Variants in CCNY observed in about 807,000 individuals in gnomAD.
The protein encoded by CCNY is cyclin Y.
Under a neutral mutation model 42.8 loss-of-function variants are expected in CCNY, and 19 were observed. The ratio of observed to expected loss-of-function variants is 0.44; its 90% CI spans 0.31 to 0.65. The LOEUF (loss-of-function observed/expected upper bound fraction) is 0.65. Among genes scored for constraint, CCNY ranks in the 30% least tolerant of loss-of-function variants. CCNY has a pLI of 0.07. For synonymous variants in CCNY, 165 were observed against 162.7 expected, an observed-to-expected ratio of 1.01 and a Z score of -0.11; for missense variants, 370 against 437.3, an observed-to-expected ratio of 0.85 and a Z score of 1.37.
intron 8 of CCNY, among the ~76,000 whole-genome samples, chr10:35,562,258 TCCTCTGTAGATA>T: frequency 6.6e-6 from 1 of 152,226 alleles, no homozygotes; most frequent in Admixed American, 6.5e-5. Context: ...GAACTTCAGT[TCCTCTGTAGATA>T]CCTGGTTTCT....
intron 3 of CCNY, among the ~76,000 whole-genome samples, chr10:35,324,903 C>T (rs951099234): frequency 1.3e-5 from 2 of 152,122 alleles, no homozygotes; most frequent in South Asian, 4.1e-4. Flanking sequence ...GTTATTTGTG[C>T]ACACTTATAT....
At chr10:35,475,487 C>G (rs1269054194) in intron 1 of CCNY, among the ~76,000 whole-genome samples, 2 of 151,996 alleles carry the variant, frequency 1.3e-5, no homozygotes, top group Non-Finnish European at 1.5e-5. Flanking sequence ...CAATATTCAG[C>G]ATTCTTAAAG....
chr10:35,389,673 G>C (rs1290170853), intron 1 of CCNY, among the ~76,000 whole-genome samples: 3 of 152,098 alleles, frequency 2.0e-5, no homozygotes, highest in Non-Finnish European at 4.4e-5. Flanking sequence ...CCCTGACCTT[G>C]TGATCCGCCC....
intron 2 of CCNY, among the ~76,000 whole-genome samples, chr10:35,493,568 G>A (rs1839945966): frequency 6.6e-6 from 1 of 152,206 alleles, no homozygotes; most frequent in Non-Finnish European, 1.5e-5. Context: ...AGGATAATCT[G>A]ATGCAGTCAC....
At chr10:35,324,640 T>C (rs2135098781) in intron 3 of CCNY, among the ~76,000 whole-genome samples, 1 of 152,320 alleles carries the variant, frequency 6.6e-6, no homozygotes, top group African/African-American at 2.4e-5. Context: ...AGCATCACTT[T>C]AGGCTTTAGT....
At chr10:35,286,227 T>A (rs1487626411) in intron 3 of CCNY, among the ~76,000 whole-genome samples, 1 of 152,214 alleles carries the variant, frequency 6.6e-6, no homozygotes, top group East Asian at 1.9e-4. Context: ...TATTCCAATT[T>A]AATTTATGAT....
intron 3 of CCNY, among the ~76,000 whole-genome samples, chr10:35,258,795 G>C (rs2095717325): frequency 6.6e-6 from 1 of 152,098 alleles, no homozygotes; most frequent in Admixed American, 6.6e-5. Flanking sequence ...AATAAGCTGA[G>C]TGTGGTGGCA....
chr10:35,506,362 C>G (rs1319219277), intron 3 of CCNY, among the ~76,000 whole-genome samples: 1 of 152,156 alleles, frequency 6.6e-6, no homozygotes, highest in African/African-American at 2.4e-5. Context: ...GGGATGTTGA[C>G]ATGGGGTAGG....
intron 1 of CCNY, among the ~76,000 whole-genome samples, chr10:35,467,569 A>G (rs1839296267): frequency 6.6e-6 from 1 of 152,204 alleles, no homozygotes; most frequent in South Asian, 2.1e-4. Context: ...AAACCATCTT[A>G]TATTTTCTGT....
Position 35,254,087 on chromosome 10 carries a change from C to T in CCNY, c.-9+3461C>T, listed in dbSNP as rs991527888. ...AGAGATGGGGTTTCACCGTATTAACCAGGATGGTCTCGATCTCCTAACCTT... is the reference window on the plus strand; with the variant it reads ...AGAGATGGGGTTTCACCGTATTAACTAGGATGGTCTCGATCTCCTAACCTT... On this transcript the variant is annotated intron_variant, in intron 3 of 11. Transcript: ENST00000374706. 8.5e-5 allele frequency among the ~76,000 whole-genome samples: 13 copies of T among 152,114 alleles called. No individual in the cohort carries two copies. In the South Asian group the frequency reaches 2.5e-3, roughly 29 times the overall value.
intron 7 of CCNY, among the ~76,000 whole-genome samples, chr10:35,531,575 G>A (rs1222723598): frequency 1.3e-5 from 2 of 152,288 alleles, no homozygotes; most frequent in Admixed American, 6.5e-5. Context: ...ACCAAAACAC[G>A]CAACAGGGCA....
intron 1 of CCNY, among the ~76,000 whole-genome samples, chr10:35,373,446 T>C (rs553288770): frequency 6.6e-5 from 10 of 152,174 alleles, no homozygotes; most frequent in African/African-American, 9.7e-5. Context: ...ACCCCACTTA[T>C]GTTGAGGGCA....
At chr10:35,363,195 T>C (rs1210557883) in intron 1 of CCNY, among the ~76,000 whole-genome samples, 3 of 124,020 alleles carry the variant, frequency 2.4e-5, no homozygotes, top group Non-Finnish European at 1.7e-5. Flanking sequence ...GGGCGGCAGC[T>C]GGGCAGAGGC....
At chr10:35,393,113 G>A (rs944377615) in intron 1 of CCNY, among the ~76,000 whole-genome samples, 1 of 152,096 alleles carries the variant, frequency 6.6e-6, no homozygotes, top group Non-Finnish European at 1.5e-5. Flanking sequence ...GTTGAGCTCC[G>A]TCTCCTTCCC....
At chr10:35,252,565 CAAAAAAAA>C (rs755376669) in intron 3 of CCNY, among the ~76,000 whole-genome samples, 6 of 21,540 alleles carry the variant, frequency 2.8e-4, no homozygotes, top group Non-Finnish European at 4.0e-4. Flanking sequence ...GACTCCGTCT[CAAAAAAAA>C]AAAAAAAAAA....
chr10:35,505,365 G>A (rs369163083), intron 3 of CCNY, among the ~76,000 whole-genome samples: 1 of 151,270 alleles, frequency 6.6e-6, no homozygotes, highest in Non-Finnish European at 1.5e-5. Context: ...ACTTTGAAAC[G>A]AGAAAGCCAG....
chr10:35,548,202 ATTC>A (rs1252095886), intron 7 of CCNY, among the ~76,000 whole-genome samples: 1 of 151,308 alleles, frequency 6.6e-6, no homozygotes. Context: ...GCTATACTGT[ATTC>A]TTACAATGAA....
rs773391702 is a variant in CCNY, at chr10:35,569,183, G to A, written c.*13G>A. On this transcript the variant is annotated 3_prime_UTR_variant, in exon 10 of 10. Coordinates refer to ENST00000374704, the MANE Select transcript of CCNY (RefSeq NM_145012.6). ...CATCATCTCTTAACTACGGAGGCCCGCCGGAGGCCACACCATCCCTTAGTT... is the reference window on the plus strand; with the variant it reads ...CATCATCTCTTAACTACGGAGGCCCACCGGAGGCCACACCATCCCTTAGTT... 11 of 1,440,910 alleles carry A rather than the reference G, an allele frequency of 7.6e-6. No individual in the cohort carries two copies. Among genetic ancestry groups the A allele is most frequent in the Admixed American group, 1.7e-5 (1 of 59,820 alleles). The allele number at this position is 1,440,910 out of a possible 1,614,324, so 89.3% of individuals were successfully genotyped here. A position where few individuals can be genotyped will look rare whatever the true frequency, so the allele number is the denominator to read the frequency against.
At position 35,529,966 on chromosome 10, in the gene CCNY, C is replaced by A. The variant is rs369157747; in HGVS notation, c.402-7C>A. 3.8e-5 allele frequency: 61 copies of A among 1,611,430 alleles called. No individual in the cohort carries two copies. Among genetic ancestry groups the A allele is most frequent in the Non-Finnish European group, 5.1e-5 (60 of 1,177,912 alleles). On this transcript the variant is annotated splice_region_variant and splice_polypyrimidine_tract_variant and intron_variant, in intron 5 of 9. Transcript: ENST00000374704. ...TAAGTTTCATTTTCTATTATTTTCCCTACCAGGGACCCAGATGGAAGGATG... is the reference window on the plus strand; with the variant it reads ...TAAGTTTCATTTTCTATTATTTTCCATACCAGGGACCCAGATGGAAGGATG...
Sources: allele counts gnomAD v4.1 joint callset (sites outside exome capture counted in the v4.1 genomes callset), GRCh38; gene constraint gnomAD v4.1.1; transcripts MANE v1.5; gene names NCBI Gene and HGNC (gene_info 2026-07-23, HGNC 2026-07-21).